ALK: variants seen among roughly 807,000 people sequenced by gnomAD.
The protein encoded by ALK is ALK tyrosine kinase receptor.
In ALK, 74 loss-of-function variants were observed where a neutral mutation model predicts 163.1. The observed-to-expected ratio is 0.45, with a 90% CI of 0.38 to 0.55. The LOEUF (loss-of-function observed/expected upper bound fraction) is 0.55. Ranked by LOEUF, ALK falls within the 20% of genes least tolerant of loss-of-function variation. ALK has a pLI of 0.00. For synonymous variants in ALK, 960 were observed against 843.2 expected, an observed-to-expected ratio of 1.14 and a Z score of -2.40; for missense variants, 2,063 against 2,105.3, an observed-to-expected ratio of 0.98 and a Z score of 0.39.
At chr2:29,896,334 T>G (rs1305352272) in intron 1 of ALK, among the ~76,000 whole-genome samples, 1 of 152,054 alleles carries the variant, frequency 6.6e-6, no homozygotes, top group Non-Finnish European at 1.5e-5. Context: ...AGGGCAGATT[T>G]TGTGCTGTTA....
chr2:29,644,885 G>A (rs1484378940), intron 3 of ALK, among the ~76,000 whole-genome samples: 1 of 152,028 alleles, frequency 6.6e-6, no homozygotes, highest in Non-Finnish European at 1.5e-5. Flanking sequence ...GACTTGCTTG[G>A]TTCATTCCCC....
At chr2:29,837,782 A>G (rs76644195) in intron 1 of ALK, among the ~76,000 whole-genome samples, 1,770 of 152,348 alleles carry the variant, frequency 0.012, 43 homozygotes, top group African/African-American at 0.04. Flanking sequence ...TGTAACACCA[A>G]TAATGTCTAG....
chr2:29,453,749 T>C (rs1000056509), intron 4 of ALK, among the ~76,000 whole-genome samples: 1 of 151,958 alleles, frequency 6.6e-6, no homozygotes. Context: ...GGGAAGACGA[T>C]ATGGAGCAAG....
Position 29,711,441 on chromosome 2 carries a change from G to C in ALK, c.787+6137C>G, listed in dbSNP as rs533788969. 2.0e-4 allele frequency among the ~76,000 whole-genome samples: 30 copies of C among 152,246 alleles called. No individual in the cohort carries two copies. In the South Asian group the frequency reaches 6.2e-3, roughly 32 times the overall value. On this transcript the variant is annotated intron_variant, in intron 2 of 28. Transcript: ENST00000389048. The stretch of plus-strand genomic sequence containing the variant: ...GGCCTCTGTTACTGCATTTGTCAAA[G>C]AGCAGGTATGCTTACCTCTTCCCCC...
intron 3 of ALK, among the ~76,000 whole-genome samples, chr2:29,576,954 A>G (rs1674541471): frequency 1.3e-5 from 2 of 152,058 alleles, no homozygotes; most frequent in South Asian, 2.1e-4. Context: ...ATTTCATTAC[A>G]TATTATGATA....
chr2:29,563,420 A>T (rs1674082465), intron 3 of ALK, among the ~76,000 whole-genome samples: 1 of 152,172 alleles, frequency 6.6e-6, no homozygotes, highest in South Asian at 2.1e-4. Flanking sequence ...TGAGAATATT[A>T]ATAAAAAAGA....
chr2:29,270,301 T>C (rs1003594600), intron 11 of ALK, among the ~76,000 whole-genome samples: 3 of 152,230 alleles, frequency 2.0e-5, no homozygotes, highest in Admixed American at 1.3e-4. Flanking sequence ...GTTGTCTAAC[T>C]TAGTGCAAGT....
intron 1 of ALK, among the ~76,000 whole-genome samples, chr2:29,737,086 T>C (rs1170181513): frequency 1.3e-5 from 2 of 152,122 alleles, no homozygotes; most frequent in African/African-American, 4.8e-5. Context: ...AAGCGTTTTG[T>C]AGAAATTTAT....
chr2:29,642,480 C>G (rs1222475672), intron 3 of ALK, among the ~76,000 whole-genome samples: 2 of 151,810 alleles, frequency 1.3e-5, no homozygotes, highest in East Asian at 1.9e-4. Flanking sequence ...TATTGAGAGA[C>G]AAACAAAAAA....
chr2:29,474,865 G>C (rs959171980), intron 4 of ALK, among the ~76,000 whole-genome samples: 3 of 152,204 alleles, frequency 2.0e-5, no homozygotes, highest in African/African-American at 4.8e-5. Context: ...AGCCAAGATA[G>C]AAGCACAAAA....
intron 1 of ALK, among the ~76,000 whole-genome samples, chr2:29,823,159 T>C (rs1665096347): frequency 6.6e-6 from 1 of 152,238 alleles, no homozygotes; most frequent in African/African-American, 2.4e-5. Context: ...AATTCTTTTT[T>C]TGCCTGCTGC....
chr2:29,474,226 A>G (rs1206473067), intron 4 of ALK, among the ~76,000 whole-genome samples: 1 of 152,244 alleles, frequency 6.6e-6, no homozygotes, highest in Admixed American at 6.5e-5. Context: ...TCTCACAGAC[A>G]CAAAATAGTT....
chr2:29,519,492 A>G (rs112789427), intron 4 of ALK, among the ~76,000 whole-genome samples: 1,665 of 152,322 alleles, frequency 0.011, 11 homozygotes, highest in Middle Eastern at 0.055. Flanking sequence ...ATGATGAAAT[A>G]CAGGAGTTTT....
In ALK at chr2:29,602,037, T is replaced by A. The variant is rs189565548; in HGVS notation, c.953-69921A>T. On this transcript the variant is annotated intron_variant, in intron 3 of 28. Transcript: ENST00000389048. ...GGTTGGATGCAGATTTACTGGGAGG[T>A]TAAAAGGCTAACACCTAGTTTATAT... Among the ~76,000 whole-genome samples, 329 of 152,150 alleles carry A rather than the reference T, an allele frequency of 2.2e-3. 2 individuals are homozygous for A. The highest frequency in any genetic ancestry group is 2.0e-3 in the Non-Finnish European group (134 of 67,990).
intron 1 of ALK, among the ~76,000 whole-genome samples, chr2:29,783,477 T>G (rs1663900172): frequency 6.6e-6 from 1 of 152,190 alleles, no homozygotes; most frequent in African/African-American, 2.4e-5. Context: ...CATTTATTAT[T>G]GAGAAATCAG....
chr2:29,542,857 C>T (rs1158084987), intron 3 of ALK, among the ~76,000 whole-genome samples: 1 of 152,096 alleles, frequency 6.6e-6, no homozygotes, highest in African/African-American at 2.4e-5. Context: ...AAAACACATG[C>T]CTCTTTCATC....
At chr2:29,534,650 T>G (rs1482111202) in intron 3 of ALK, among the ~76,000 whole-genome samples, 1 of 152,108 alleles carries the variant, frequency 6.6e-6, no homozygotes, top group East Asian at 1.9e-4. Context: ...AAAGAAAGTA[T>G]CTCCATTCTT....
intron 1 of ALK, among the ~76,000 whole-genome samples, chr2:29,844,596 G>C (rs1178318997): frequency 6.6e-6 from 1 of 152,086 alleles, no homozygotes; most frequent in Non-Finnish European, 1.5e-5. Flanking sequence ...TCCCAAAGGA[G>C]TTCACAATCT....
rs1268677892 is a variant in ALK, at chr2:29,831,115, A to AGGG, written c.667+88877_667+88878insCCC. Among the ~76,000 whole-genome samples the AGGG allele has an allele frequency of 2.7e-3, 163 of 59,524 alleles. 28 individuals carry two copies. Among genetic ancestry groups the AGGG allele is most frequent in the African/African-American group, 9.7e-3 (154 of 15,848 alleles). The allele number at this position is 59,524 out of a possible 152,430, so 39.1% of individuals were successfully genotyped here. A position where few individuals can be genotyped will look rare whatever the true frequency, so the allele number is the denominator to read the frequency against. On this transcript the variant is annotated intron_variant, in intron 1 of 28. Transcript: ENST00000389048. ...GAGGAGGAGGAGGAGGAGGAGAAGA[A>AGGG]GAAGAAGAAGGGGAAGAAGGGGAAG... is the stretch of plus-strand genomic sequence containing the variant.
Sources: allele counts gnomAD v4.1 joint callset (sites outside exome capture counted in the v4.1 genomes callset), GRCh38; gene constraint gnomAD v4.1.1; transcripts MANE v1.5; gene names NCBI Gene and HGNC (gene_info 2026-07-23, HGNC 2026-07-21).